The following PBRM1 variants were observed in gnomAD, a reference collection of about 807,000 sequenced individuals.
The protein encoded by PBRM1 is protein polybromo-1.
PBRM1 carries 27 observed loss-of-function variants against 194.5 expected under a neutral mutation model. The observed-to-expected ratio is 0.14, with a 90% CI of 0.10 to 0.19. PBRM1 has a LOEUF of 0.19. PBRM1 is among the 10% of genes least tolerant of loss of function. The probability of loss-of-function intolerance (pLI) is 1.00; values close to 1 mark genes in which losing one functional copy is unlikely to be tolerated. For missense variants in PBRM1, 1,466 were observed against 2,077.2 expected, an observed-to-expected ratio of 0.71 and a Z score of 5.72; for synonymous variants, 655 against 693.2, an observed-to-expected ratio of 0.94 and a Z score of 0.87.
chr3:52,577,040 CA>C (rs2153665200), intron 21 of PBRM1, among the ~76,000 whole-genome samples: 1 of 151,914 alleles, frequency 6.6e-6, no homozygotes, highest in Non-Finnish European at 1.5e-5. Flanking sequence ...ACTTGTGAAC[CA>C]AACAAAGACA....
At chr3:52,616,257 C>T (rs1168762406) in intron 14 of PBRM1, among the ~76,000 whole-genome samples, 1 of 152,072 alleles carries the variant, frequency 6.6e-6, no homozygotes, top group African/African-American at 2.4e-5. Context: ...ATTTTATAAT[C>T]AAATGTAATT....
At chr3:52,636,484 A>G (rs911628701) in intron 10 of PBRM1, among the ~76,000 whole-genome samples, 9 of 151,828 alleles carry the variant, frequency 5.9e-5, no homozygotes, top group African/African-American at 1.4e-4. Flanking sequence ...TAGGCTGGGC[A>G]CGGTGGCTCA....
downstream of PBRM1, chr3:52,545,843 TGAGTC>T (rs1040967533): frequency 4.3e-6 from 1 of 233,074 alleles, no homozygotes; most frequent in African/African-American, 2.2e-5. Flanking sequence ...TGTACTTTCT[TGAGTC>T]AATTTTTTTT....
intron 27 of PBRM1, among the ~76,000 whole-genome samples, chr3:52,553,903 C>G (rs1445564019): frequency 1.3e-5 from 2 of 152,110 alleles, no homozygotes; most frequent in East Asian, 3.9e-4. Context: ...CTCAAGTGAT[C>G]CGCCCACCTC....
chr3:52,562,518 A>G (rs1471463032), intron 24 of PBRM1, among the ~76,000 whole-genome samples: 1 of 151,006 alleles, frequency 6.6e-6, no homozygotes, highest in African/African-American at 2.4e-5. Context: ...TGACCTCACA[A>G]TTAAGTCTTG....
intron 17 of PBRM1, among the ~76,000 whole-genome samples, chr3:52,602,670 T>C (rs116135130): frequency 0.014 from 2,071 of 152,280 alleles, 63 homozygotes; most frequent in African/African-American, 0.047. Flanking sequence ...GATTCCCCTC[T>C]CCCCTAAACC....
chr3:52,562,020 T>C (rs139484710), intron 24 of PBRM1, 52 bp from the exon 27 acceptor site: 8 of 1,462,102 alleles, frequency 5.5e-6, no homozygotes, highest in Non-Finnish European at 7.7e-6. Flanking sequence ...TTTGGTTAAC[T>C]GCTCAAAATT....
chr3:52,613,320 G>A (rs1171026866), intron 15 of PBRM1, among the ~76,000 whole-genome samples: 2 of 150,726 alleles, frequency 1.3e-5, no homozygotes, highest in African/African-American at 4.9e-5. Flanking sequence ...ATATACAGGG[G>A]TTCACTGGAC....
At chr3:52,617,974 A>G (rs1397981136) in intron 13 of PBRM1, among the ~76,000 whole-genome samples, 1 of 152,214 alleles carries the variant, frequency 6.6e-6, no homozygotes. Flanking sequence ...TAAAAAACCT[A>G]AAAAGAGAAG....
rs563926316 is a variant in PBRM1, at chr3:52,609,222, A to G, written c.2567+91T>C. 1 of 988,098 alleles carries G rather than the reference A, an allele frequency of 1.0e-6. No homozygotes were observed. Among genetic ancestry groups the G allele is most frequent in the Admixed American group, 2.3e-5 (1 of 43,424 alleles). 61.2% of individuals were successfully genotyped at this position (988,098 alleles called of 1,614,324 possible). On this transcript the variant is annotated intron_variant, in intron 16 of 29. Coordinates refer to ENST00000296302, the Ensembl canonical transcript of PBRM1. The surrounding 1 kb of genome is among the most constrained non-coding windows in gnomAD (Gnocchi z 4.1). ...CTACCAACTACAAATCATGTATGTA[A>G]GTGGAAATAGTACATCAAAGCAATA...
intron 13 of PBRM1, among the ~76,000 whole-genome samples, chr3:52,621,317 G>A (rs1473486365): frequency 1.3e-5 from 2 of 152,030 alleles, no homozygotes; most frequent in African/African-American, 4.8e-5. Context: ...CTGCCACCAC[G>A]CCTGGCTAAT....
exon 20 of PBRM1, chr3:52,586,542 C>A (rs2153770455): frequency 6.2e-7 from 1 of 1,614,090 alleles, no homozygotes; most frequent in African/African-American, 1.3e-5. Flanking sequence ...CAGGCAGAGG[C>A]ACATCCCGAG....
chr3:52,561,706 C>G (rs1033072012), intron 25 of PBRM1, 61 bp downstream of exon 27: 32 of 1,378,602 alleles, frequency 2.3e-5, no homozygotes, highest in Non-Finnish European at 3.2e-5. Flanking sequence ...CCTGTCTGTG[C>G]GCGTGCATTC....
intron 11 of PBRM1, among the ~76,000 whole-genome samples, 189 bp downstream of exon 12, chr3:52,634,413 G>A (rs2095724054): frequency 7.2e-6 from 1 of 138,216 alleles, no homozygotes; most frequent in Non-Finnish European, 1.5e-5. Context: ...CTCCAGTCTG[G>A]CAACAGACTG....
chr3:52,633,679 TTAC>T (rs1478111708), intron 11 of PBRM1, among the ~76,000 whole-genome samples: 9 of 152,312 alleles, frequency 5.9e-5, no homozygotes, highest in African/African-American at 1.9e-4. Context: ...ATTATTATTA[TTAC>T]TTTTTTAAAG....
At chr3:52,628,300 C>T (rs1427166471) in intron 12 of PBRM1, among the ~76,000 whole-genome samples, 6 of 151,338 alleles carry the variant, frequency 4.0e-5, no homozygotes, top group Middle Eastern at 3.4e-3. Flanking sequence ...ATCCCTGCTT[C>T]CTCCAATCAG....
intron 3 of PBRM1, among the ~76,000 whole-genome samples, chr3:52,666,226 G>C (rs1223364423): frequency 1.3e-5 from 2 of 152,176 alleles, no homozygotes; most frequent in South Asian, 2.1e-4. Context: ...TTCTGGCCTC[G>C]GCAACTTAAT....
At chr3:52,561,643 G>C in intron 25 of PBRM1, 124 bp downstream of exon 27, 3 of 844,092 alleles carry the variant, frequency 3.6e-6, no homozygotes, top group Non-Finnish European at 6.0e-6. Flanking sequence ...GTGCCATTTG[G>C]AACAGTCCCC....
At chr3:52,567,987 C>CT (rs1028287858) in intron 22 of PBRM1, among the ~76,000 whole-genome samples, 7 of 150,204 alleles carry the variant, frequency 4.7e-5, no homozygotes, top group East Asian at 3.9e-4. Context: ...CTGGTAGTTT[C>CT]TTTTTTTTTA....
Sources: gnomAD v4.1 joint callset for allele counts (sites outside exome capture counted in the v4.1 genomes callset) on GRCh38, gnomAD v4.1.1 for gene constraint, Gnocchi (gnomAD v3.1) non-coding constraint, MANE v1.5 for transcripts, NCBI Gene and HGNC (gene_info 2026-07-23, HGNC 2026-07-21) for gene names.